The following GPR141 variants were observed in gnomAD, a reference collection of about 807,000 sequenced individuals.
GPR141 encodes G protein-coupled receptor 141.
A neutral mutation model predicts 6.8 loss-of-function variants in GPR141; 6 were observed. That is an observed-to-expected ratio of 0.88 (90% CI 0.48 to 1.74). The LOEUF (loss-of-function observed/expected upper bound fraction) is 1.74. Among genes scored for constraint, GPR141 ranks in the 40% most tolerant of loss-of-function variants. The probability of loss-of-function intolerance (pLI) is 0.01; values close to 1 mark genes in which losing one functional copy is unlikely to be tolerated. For missense variants in GPR141, 372 were observed against 372.9 expected (o/e 1.00, Z 0.02); for synonymous variants, 140 against 142.3 (o/e 0.98, Z 0.11).
rs1812601718 is a variant in GPR141 at position 37,742,248 on chromosome 7, A to G, written c.*937A>G. ...CTCCCTTCCGCCGTTAAAATTATATATATATATATTTAAATTATACCTTAA... is the reference window on the plus strand; with the variant it reads ...CTCCCTTCCGCCGTTAAAATTATATGTATATATATTTAAATTATACCTTAA... On this transcript the variant is annotated 3_prime_UTR_variant, in exon 3 of 3. Transcript: ENST00000334425. 6.6e-6 allele frequency among the ~76,000 whole-genome samples: 1 copy of G among 151,902 alleles called. No individual in the cohort carries two copies. The highest frequency in any genetic ancestry group is 1.5e-5 in the Non-Finnish European group (1 of 67,984).
chr7:37,727,782 A>C (rs893372838), intron 2 of GPR141, among the ~76,000 whole-genome samples: 3 of 152,226 alleles, frequency 2.0e-5, no homozygotes, highest in African/African-American at 7.2e-5. Context: ...CCCTTTGCCA[A>C]CTATCCAATC....
rs1812412084 is a variant in GPR141, at chr7:37,739,320, A to G, written c.-14-1060A>G. Among the ~76,000 whole-genome samples the G allele has an allele frequency of 1.3e-5, 2 of 152,198 alleles. 1 individual carries two copies. Among genetic ancestry groups the G allele is most frequent in the Non-Finnish European group, 2.9e-5 (2 of 68,030 alleles). ...CAGTAGACATACCTCTAATAACACA[A>G]TTGTTCAAGTCAGAAATCTGAGAGT... On this transcript the variant is annotated intron_variant, in intron 2 of 2. Transcript: ENST00000334425.
intron 1 of GPR141, among the ~76,000 whole-genome samples, chr7:37,684,948 G>C (rs1367128902): frequency 1.3e-5 from 2 of 152,156 alleles, no homozygotes; most frequent in African/African-American, 2.4e-5. Flanking sequence ...CATAATTTGG[G>C]GGAATATTGT....
chr7:37,703,118 A>C (rs1025682224), intron 2 of GPR141, among the ~76,000 whole-genome samples: 3 of 152,124 alleles, frequency 2.0e-5, no homozygotes, highest in Non-Finnish European at 2.9e-5. Context: ...TATTTTGCTC[A>C]CATTCTTCAA....
At chr7:37,709,378 A>G (rs949303530) in intron 2 of GPR141, among the ~76,000 whole-genome samples, 1 of 152,226 alleles carries the variant, frequency 6.6e-6, no homozygotes, top group Non-Finnish European at 1.5e-5. Context: ...ATAGTAGATT[A>G]TGTGAGTGGA....
rs1002985095 is a variant in GPR141, at chr7:37,702,788, T to A, written c.-15+17205T>A. Among the ~76,000 whole-genome samples the A allele has an allele frequency of 2.2e-4, 28 of 126,806 alleles. No individual in the cohort carries two copies. In the East Asian group the frequency reaches 4.8e-3, roughly 22 times the overall value. The allele number at this position is 126,806 out of a possible 152,430, so 83.2% of individuals were successfully genotyped here. On this transcript the variant is annotated intron_variant, in intron 2 of 2. Coordinates refer to ENST00000334425, the MANE Select transcript of GPR141 (RefSeq NM_001381946.1). Reference sequence around the variant, plus strand: ...AATAAAAAAATAAAAAAATAAAAAATTAAAACCCAGTTCAATTCAAAAAAA... The same window carrying A: ...AATAAAAAAATAAAAAAATAAAAAAATAAAACCCAGTTCAATTCAAAAAAA...
chr7:37,714,055 C>T (rs1810933475), intron 2 of GPR141, among the ~76,000 whole-genome samples: 1 of 151,670 alleles, frequency 6.6e-6, no homozygotes, highest in East Asian at 1.9e-4. Context: ...TCATCATGTC[C>T]CGTCCTCTTA....
intron 2 of GPR141, among the ~76,000 whole-genome samples, chr7:37,705,248 C>T (rs1166722751): frequency 1.3e-5 from 2 of 150,606 alleles, no homozygotes; most frequent in Non-Finnish European, 2.9e-5. Context: ...GGGCAGTCCA[C>T]AATTCATGTG....
intron 2 of GPR141, among the ~76,000 whole-genome samples, chr7:37,732,449 A>G (rs1049665819): frequency 1.3e-5 from 2 of 152,140 alleles, no homozygotes; most frequent in African/African-American, 4.8e-5. Context: ...ATGGGACAGA[A>G]TGGAGATGTT....
intron 2 of GPR141, among the ~76,000 whole-genome samples, chr7:37,711,412 A>G (rs1810788231): frequency 6.6e-6 from 1 of 152,208 alleles, no homozygotes; most frequent in Non-Finnish European, 1.5e-5. Flanking sequence ...TTTGAGCTAC[A>G]TGGGAGTAAG....
At chr7:37,712,167 A>G (rs1220257582) in intron 2 of GPR141, among the ~76,000 whole-genome samples, 1 of 152,202 alleles carries the variant, frequency 6.6e-6, no homozygotes, top group African/African-American at 2.4e-5. Context: ...TCTAGAGAGA[A>G]GTCCCAAGGG....
intron 2 of GPR141, among the ~76,000 whole-genome samples, chr7:37,706,324 G>A (rs963611405): frequency 1.3e-5 from 2 of 152,228 alleles, no homozygotes; most frequent in Non-Finnish European, 2.9e-5. Flanking sequence ...AAACCAGATT[G>A]AGAATCACTG....
intron 2 of GPR141, among the ~76,000 whole-genome samples, chr7:37,729,733 G>A (rs1811825220): frequency 6.6e-6 from 1 of 152,232 alleles, no homozygotes; most frequent in Non-Finnish European, 1.5e-5. Flanking sequence ...GTGCAAGACT[G>A]TGTGAGTGGG....
chr7:37,698,320 C>T (rs192191918), intron 2 of GPR141, among the ~76,000 whole-genome samples: 126 of 152,232 alleles, frequency 8.3e-4, no homozygotes, highest in African/African-American at 3.0e-3. Context: ...ACCCTTCTTC[C>T]CTCCTACCAC....
At chr7:37,705,916 G>C (rs1348139154) in intron 2 of GPR141, among the ~76,000 whole-genome samples, 1 of 152,152 alleles carries the variant, frequency 6.6e-6, no homozygotes, top group African/African-American at 2.4e-5. Context: ...CTAATGTAGG[G>C]AATCAGAGGC....
chr7:37,722,929 TC>T (rs1811412985), intron 2 of GPR141, among the ~76,000 whole-genome samples: 1 of 70,276 alleles, frequency 1.4e-5, no homozygotes, highest in South Asian at 4.7e-4. Context: ...TTCCTTTCCT[TC>T]CTTCCTTCCT....
At chr7:37,699,761 G>A (rs2131752000) in intron 2 of GPR141, among the ~76,000 whole-genome samples, 1 of 152,336 alleles carries the variant, frequency 6.6e-6, no homozygotes, top group East Asian at 1.9e-4. Flanking sequence ...AAGTAAATAT[G>A]TGTAATAAAT....
At chr7:37,722,715 C>T (rs1284468182) in intron 2 of GPR141, among the ~76,000 whole-genome samples, 1 of 71,122 alleles carries the variant, frequency 1.4e-5, no homozygotes, top group Non-Finnish European at 2.6e-5. Flanking sequence ...AGCCAGACTC[C>T]ATCTCAAAAA....
At chr7:37,692,036 G>A (rs1021326122) in intron 2 of GPR141, among the ~76,000 whole-genome samples, 1 of 152,036 alleles carries the variant, frequency 6.6e-6, no homozygotes, top group Admixed American at 6.6e-5. Flanking sequence ...TGTGATACAT[G>A]TGCAGAACAT....
Sources: allele counts gnomAD v4.1 joint callset (sites outside exome capture counted in the v4.1 genomes callset), GRCh38; gene constraint gnomAD v4.1.1; transcripts MANE v1.5; gene names NCBI Gene and HGNC (gene_info 2026-07-23, HGNC 2026-07-21).